Variants in CRYAB observed in about 807,000 individuals in gnomAD.
The protein encoded by CRYAB is alpha-crystallin B chain.
A neutral mutation model predicts 12.7 loss-of-function variants in CRYAB; 9 were observed. The ratio of observed to expected loss-of-function variants is 0.71; its 90% CI spans 0.43 to 1.24. The LOEUF is 1.24. Ranked by LOEUF, CRYAB falls within the 50% of genes most tolerant of loss-of-function variation. CRYAB has a pLI of 0.00. For synonymous variants in CRYAB, 93 were observed against 86.8 expected (o/e 1.07, Z -0.40); for missense variants, 183 against 226.6 (o/e 0.81, Z 1.24).
At chr11:111,911,469 A>G in intron 1 of CRYAB, 55 bp downstream of exon 1, 1 of 1,540,866 alleles carries the variant, frequency 6.5e-7, no homozygotes. Flanking sequence ...TGGATGGAGA[A>G]GTTTCCAGGA....
chr11:111,915,938 C>T (rs780541342), upstream of CRYAB, among the ~76,000 whole-genome samples: 22 of 152,148 alleles, frequency 1.4e-4, no homozygotes, highest in Middle Eastern at 6.8e-3. Context: ...GATGAGGTCT[C>T]GCCTTGTTGT....
upstream of CRYAB, chr11:111,914,129 G>C (rs1373737917): frequency 1.7e-5 from 8 of 484,326 alleles, no homozygotes; most frequent in South Asian, 3.7e-5. Context: ...TGGCCGGGAA[G>C]CTGGGATGGG....
upstream of CRYAB, chr11:111,913,999 G>A: frequency 1.0e-6 from 1 of 1,002,372 alleles, no homozygotes; most frequent in South Asian, 1.6e-5. Context: ...GGAAGGGAAA[G>A]GTGCATGGTC....
intron 2 of CRYAB, chr11:111,909,909 T>C: frequency 1.9e-6 from 1 of 521,406 alleles, no homozygotes; most frequent in Non-Finnish European, 3.4e-6. Context: ...ACCTTAAAAA[T>C]TGCTGATGCC....
chr11:111,918,848 C>T, intron 1 of CRYAB: 12 of 1,124,142 alleles, frequency 1.1e-5, no homozygotes, highest in Non-Finnish European at 1.6e-5. Flanking sequence ...GTCCAACCTG[C>T]TAGGTTGAAA....
At chr11:111,912,172 C>T, upstream of CRYAB, 1 of 224,568 alleles carries the variant, frequency 4.5e-6, no homozygotes, top group East Asian at 1.0e-4. Context: ...TGGGCCTGGG[C>T]AGGGACTGGA....
In CRYAB at chr11:111,908,821, G is replaced by A. The variant is rs373551429; in HGVS notation, c.471C>T (p.Arg157=). 48 of 1,613,600 alleles carry A rather than the reference G, an allele frequency of 3.0e-5. No individual in the cohort carries two copies. Among genetic ancestry groups the A allele is most frequent in the Non-Finnish European group, 3.7e-5 (44 of 1,180,044 alleles). Reference sequence around the variant, plus strand: ...TCTCTTCACGGGTGATGGGAATGGTGCGCTCAGGGCCAGAGACCTGTTTCC... The same window carrying A: ...TCTCTTCACGGGTGATGGGAATGGTACGCTCAGGGCCAGAGACCTGTTTCC... ...GPRKQVSGPE[R]TIPITREEKP... The change falls in exon 3 of 3, where the codon CGC becomes CGT. Residue 157 remains arginine (R), a synonymous_variant. Transcript: ENST00000650687.
upstream of CRYAB, among the ~76,000 whole-genome samples, chr11:111,915,598 G>T (rs1393229466): frequency 6.6e-6 from 1 of 152,160 alleles, no homozygotes; most frequent in African/African-American, 2.4e-5. Flanking sequence ...AAAGGAAAGG[G>T]TTTCCTAGCT....
In CRYAB at chr11:111,908,776, G is replaced by A; in HGVS notation, c.516C>T (p.Ala172=). Residue 172 remains alanine (A), a synonymous_variant, in exon 3 of 3, where the codon GCC becomes GCT. Transcript: ENST00000650687. ...TREEKPAVTA[A]PKK ...CAAGAAAGGGCATCTATTTCTTGGG[G>A]GCTGCGGTGACAGCAGGCTTCTCTT... The A allele has an allele frequency of 6.2e-7, 1 of 1,612,612 alleles. No homozygotes were observed. The highest frequency in any genetic ancestry group is 8.5e-7 in the Non-Finnish European group (1 of 1,180,002).
chr11:111,913,046 C>T, upstream of CRYAB: 1 of 719,602 alleles, frequency 1.4e-6, no homozygotes. Flanking sequence ...ACCAGCCACC[C>T]CCCACCCCAG....
upstream of CRYAB, chr11:111,913,660 A>G: frequency 6.2e-7 from 1 of 1,614,112 alleles, no homozygotes; most frequent in Non-Finnish European, 8.5e-7. Context: ...CGGCACCCCC[A>G]GCGCCTGGAC....
upstream of CRYAB, among the ~76,000 whole-genome samples, chr11:111,917,566 G>T (rs927069599): frequency 2.9e-4 from 44 of 151,814 alleles, no homozygotes; most frequent in African/African-American, 1.0e-3. Flanking sequence ...ACTTTGGGAG[G>T]CTGAGATGGG....
chr11:111,908,905 G>A lies in CRYAB; in HGVS notation c.387C>T (p.Asp129=), dbSNP rs1592506273. 6.2e-7 allele frequency: 1 copy of A among 1,614,124 alleles called. No homozygotes were observed. Among genetic ancestry groups the A allele is most frequent in the Non-Finnish European group, 8.5e-7 (1 of 1,180,036 alleles). The change falls in exon 3 of 3, where the codon GAC becomes GAT. Residue 129 remains aspartate, a synonymous_variant. Coordinates refer to ENST00000650687, the MANE Select transcript of CRYAB (RefSeq NM_001289808.2). ...ACAGGGATGAAGTAATGGTGAGAGGGTCTACATCAGCTGGGATCCGGTATT... is the reference window on the plus strand; with the variant it reads ...ACAGGGATGAAGTAATGGTGAGAGGATCTACATCAGCTGGGATCCGGTATT... ...HRKYRIPADV[D]PLTITSSLSS...
Position 111,922,303 on chromosome 11 carries a change from T to A in CRYAB, c.-199+1400A>T, listed in dbSNP as rs117502493. On this transcript the variant is annotated intron_variant, in intron 1 of 3. Coordinates refer to the CRYAB transcript ENST00000527950. ...TTTTCCTCTTCAAATACTAGTAGGA[T>A]TGAATAAAACTTTGTTCTCTATTTT... Among the ~76,000 whole-genome samples the A allele has an allele frequency of 6.9e-3, 1,044 of 152,356 alleles. 5 individuals carry two copies. The highest frequency in any genetic ancestry group is 0.051 in the Middle Eastern group (15 of 294).
At position 111,910,385 on chromosome 11, in the gene CRYAB, A is replaced by G; in HGVS notation, c.266T>C (p.Leu89Pro). The G allele has an allele frequency of 1.9e-6, 3 of 1,614,182 alleles. No homozygotes were observed. Among genetic ancestry groups the G allele is most frequent in the Non-Finnish European group, 2.5e-6 (3 of 1,180,026 alleles). ...LDVKHFSPEE[L>P]KVKVLGDVIE... The stretch of plus-strand genomic sequence containing the variant: ...CACATCTCCCAACACCTTAACTTTG[A>G]GTTCCTCTGGGGAGAAGTGCTTCAC... Residue 89 changes from leucine to proline, a missense_variant, in exon 2 of 3, where the codon CTC (leucine) becomes CCC (proline). By Grantham distance (98) the Leu-to-Pro change is moderately conservative. Coordinates refer to ENST00000650687, the MANE Select transcript of CRYAB (RefSeq NM_001289808.2).
At chr11:111,913,662 C>G, upstream of CRYAB, 1 of 1,614,162 alleles carries the variant, frequency 6.2e-7, no homozygotes. Context: ...GCACCCCCAG[C>G]GCCTGGACCG....
Position 111,908,812 on chromosome 11 carries a change from G to A in CRYAB, c.480C>T (p.Pro160=), listed in dbSNP as rs782200096. 1 of 1,613,588 alleles carries A rather than the reference G, an allele frequency of 6.2e-7. No individual in the cohort carries two copies. The highest frequency in any genetic ancestry group is 1.1e-5 in the South Asian group (1 of 91,064). Residue 160 remains proline (P), a synonymous_variant, in exon 3 of 3, where the codon CCC becomes CCT. Coordinates refer to ENST00000650687, the MANE Select transcript of CRYAB (RefSeq NM_001289808.2). ...CAGCAGGCTTCTCTTCACGGGTGAT[G>A]GGAATGGTGCGCTCAGGGCCAGAGA... ...KQVSGPERTI[P]ITREEKPAVT...
upstream of CRYAB, chr11:111,913,967 C>T: frequency 7.8e-7 from 1 of 1,286,104 alleles, no homozygotes; most frequent in Non-Finnish European, 1.1e-6. Context: ...CCCACCACTC[C>T]AGAGGTAGCA....
chr11:111,908,618 A>C lies in CRYAB; in HGVS notation c.*146T>G, dbSNP rs573621530. 5 of 708,296 alleles carry C rather than the reference A, an allele frequency of 7.1e-6. No individual in the cohort carries two copies. Among genetic ancestry groups the C allele is most frequent in the African/African-American group, 1.8e-5 (1 of 56,606 alleles). 43.9% of individuals were successfully genotyped at this position (708,296 alleles called of 1,614,324 possible). On this transcript the variant is annotated 3_prime_UTR_variant, in exon 3 of 3. Coordinates refer to ENST00000650687, the MANE Select transcript of CRYAB (RefSeq NM_001289808.2). ...TGTGTGGAATATTCAAACACAAGAC[A>C]GTTATCTGTTGCTGAATGATATTTT...
Sources: allele counts gnomAD v4.1 joint callset (sites outside exome capture counted in the v4.1 genomes callset), GRCh38; gene constraint gnomAD v4.1.1; transcripts MANE v1.5; gene names NCBI Gene and HGNC (gene_info 2026-07-23, HGNC 2026-07-21).